The following VTI1A variants were observed in gnomAD, a reference collection of about 807,000 sequenced individuals.
The protein encoded by VTI1A is vesicle transport through interaction with t-SNAREs 1A, also known as vesicle transport through interaction with t-SNAREs homolog 1A.
VTI1A carries 22 observed loss-of-function variants against 34.9 expected under a neutral mutation model. The ratio of observed to expected loss-of-function variants is 0.63; its 90% CI spans 0.45 to 0.90. The LOEUF (loss-of-function observed/expected upper bound fraction) is 0.90, where lower values mean the gene tolerates loss of function less well. Ranked by LOEUF, VTI1A falls within the 40% of genes least tolerant of loss-of-function variation. The probability of loss-of-function intolerance (pLI) is 0.00; values close to 1 mark genes in which losing one functional copy is unlikely to be tolerated. For synonymous variants in VTI1A, 87 were observed against 97.3 expected (o/e 0.89, Z 0.62); for missense variants, 268 against 275.6 (o/e 0.97, Z 0.20).
intron 5 of VTI1A, among the ~76,000 whole-genome samples, chr10:112,585,633 TACAGAGAA>T (rs541441620): frequency 4.0e-5 from 6 of 150,356 alleles, no homozygotes; most frequent in African/African-American, 1.5e-4. Context: ...CATCAAGTGG[TACAGAGAA>T]ACAACAAAAG....
chr10:112,543,080 A>T (rs1213517862), intron 5 of VTI1A, among the ~76,000 whole-genome samples: 1 of 152,208 alleles, frequency 6.6e-6, no homozygotes, highest in Non-Finnish European at 1.5e-5. Flanking sequence ...TCTATCATTG[A>T]TGAACATTTG....
rs114411848 is a variant in VTI1A at position 112,537,995 on chromosome 10, A to G, written c.343-251A>G. Among the ~76,000 whole-genome samples, 216 of 152,300 alleles carry G rather than the reference A, an allele frequency of 1.4e-3. 1 individual carries two copies. The highest frequency in any genetic ancestry group is 5.1e-3 in the African/African-American group (211 of 41,574). ...CGTACTTTTCTCAGTATTTTGAAGT[A>G]AGATTCATTGTGGCCACATACAACA... On this transcript the variant is annotated intron_variant, in intron 4 of 7. Coordinates refer to ENST00000393077, the MANE Select transcript of VTI1A (RefSeq NM_145206.4).
chr10:112,523,186 T>C (rs948703682), intron 3 of VTI1A, among the ~76,000 whole-genome samples: 12 of 152,072 alleles, frequency 7.9e-5, no homozygotes, highest in African/African-American at 2.7e-4. Flanking sequence ...TTGGGTCAAG[T>C]AGAAAGATTG....
At chr10:112,813,693 G>C (rs986703029) in intron 7 of VTI1A, among the ~76,000 whole-genome samples, 1 of 152,198 alleles carries the variant, frequency 6.6e-6, no homozygotes, top group African/African-American at 2.4e-5. Context: ...GGGGGACAGA[G>C]AATCTTCCTG....
chr10:112,809,261 G>C (rs1853202768), intron 7 of VTI1A, among the ~76,000 whole-genome samples: 2 of 152,342 alleles, frequency 1.3e-5, no homozygotes, highest in South Asian at 4.1e-4. Context: ...TGAGGCAGAT[G>C]ACAATTAACT....
intron 7 of VTI1A, among the ~76,000 whole-genome samples, chr10:112,781,404 G>C (rs1852123163): frequency 6.6e-6 from 1 of 152,162 alleles, no homozygotes; most frequent in Admixed American, 6.5e-5. Flanking sequence ...CAGCATCAGA[G>C]CTAGGCCACA....
At chr10:112,608,156 A>G (rs1845160279) in intron 5 of VTI1A, among the ~76,000 whole-genome samples, 1 of 152,206 alleles carries the variant, frequency 6.6e-6, no homozygotes, top group African/African-American at 2.4e-5. Flanking sequence ...CACTCACGTT[A>G]CAGCTTCCTC....
At chr10:112,463,465 G>T (rs773910763) in intron 2 of VTI1A, among the ~76,000 whole-genome samples, 6 of 152,158 alleles carry the variant, frequency 3.9e-5, no homozygotes, top group Non-Finnish European at 7.4e-5. Flanking sequence ...GAGACATTAA[G>T]AAACCTGTTC....
At chr10:112,625,941 G>A (rs1845907284) in intron 5 of VTI1A, among the ~76,000 whole-genome samples, 1 of 152,162 alleles carries the variant, frequency 6.6e-6, no homozygotes, top group African/African-American at 2.4e-5. Context: ...GTCACGTAAA[G>A]CACTTCAGCA....
chr10:112,649,963 G>A lies in VTI1A; in HGVS notation c.428-18255G>A, dbSNP rs1241360676. ...TCTGGGTGAGTCAATGAGTGAGATT[G>A]TAAAGGGCGAGGATATCAGTGTACA... On this transcript the variant is annotated intron_variant, in intron 5 of 7. Coordinates refer to ENST00000393077, the MANE Select transcript of VTI1A (RefSeq NM_145206.4). 2.0e-5 allele frequency among the ~76,000 whole-genome samples: 3 copies of A among 152,184 alleles called. No homozygotes were observed. In the South Asian group the frequency reaches 6.2e-4, roughly 31 times the overall value.
chr10:112,835,607 A>T, the VTI1A span, among the ~76,000 whole-genome samples: 1 of 152,200 alleles, frequency 6.6e-6, no homozygotes, highest in Non-Finnish European at 1.5e-5. Context: ...CTAATGGGGA[A>T]CATATTACCT....
At chr10:112,850,128 C>T in the VTI1A span, among the ~76,000 whole-genome samples, 2 of 152,124 alleles carry the variant, frequency 1.3e-5, no homozygotes, top group Non-Finnish European at 2.9e-5. Context: ...TAATACCTTG[C>T]ACATCTGATC....
intron 4 of VTI1A, among the ~76,000 whole-genome samples, chr10:112,527,662 A>G (rs1390202079): frequency 6.6e-6 from 1 of 151,646 alleles, no homozygotes; most frequent in Non-Finnish European, 1.5e-5. Context: ...CCAGTGTGGA[A>G]CTTGGATACC....
chr10:112,479,988 C>G (rs750049572), intron 3 of VTI1A, among the ~76,000 whole-genome samples: 1 of 152,184 alleles, frequency 6.6e-6, no homozygotes, highest in Non-Finnish European at 1.5e-5. Flanking sequence ...CTAAAAGTAT[C>G]TGTTAAATAT....
intron 5 of VTI1A, among the ~76,000 whole-genome samples, chr10:112,598,390 C>A (rs921565512): frequency 6.6e-6 from 1 of 152,218 alleles, no homozygotes; most frequent in Non-Finnish European, 1.5e-5. Flanking sequence ...ATGTACCTTT[C>A]TCTCCTCTTT....
intron 7 of VTI1A, among the ~76,000 whole-genome samples, chr10:112,783,202 A>G (rs78236306): frequency 0.016 from 2,423 of 152,334 alleles, 35 homozygotes; most frequent in Non-Finnish European, 0.024. Context: ...ATTATGGCCA[A>G]TGTACAATGA....
intron 7 of VTI1A, among the ~76,000 whole-genome samples, chr10:112,706,310 G>C (rs1392041986): frequency 2.6e-5 from 4 of 152,182 alleles, no homozygotes; most frequent in Admixed American, 6.5e-5. Flanking sequence ...GGGATAAAGG[G>C]AGTGGACACG....
At position 112,523,763 on chromosome 10, in the gene VTI1A, G is replaced by T. The variant is rs145280686; in HGVS notation, c.265-3324G>T. ...AGACTAAAAATGTTGACAATTTCTT[G>T]ATTTGCCTGGTTAGCTTATGTATAG... On this transcript the variant is annotated intron_variant, in intron 3 of 7. Transcript: ENST00000393077. Among the ~76,000 whole-genome samples, 6 of 152,190 alleles carry T rather than the reference G, an allele frequency of 3.9e-5. No individual in the cohort carries two copies. The East Asian group carries it at 1.2e-3, about 29-fold the overall frequency.
chr10:112,684,586 G>A (rs891183158), intron 7 of VTI1A, among the ~76,000 whole-genome samples: 1 of 151,924 alleles, frequency 6.6e-6, no homozygotes, highest in South Asian at 2.1e-4. Flanking sequence ...TTATAGGCAC[G>A]GGCCATCACG....
Sources: allele counts gnomAD v4.1 joint callset (sites outside exome capture counted in the v4.1 genomes callset), GRCh38; gene constraint gnomAD v4.1.1; transcripts MANE v1.5; gene names NCBI Gene and HGNC (gene_info 2026-07-23, HGNC 2026-07-21).